Variants in PTPA observed in about 807,000 individuals in gnomAD.
PTPA encodes protein phosphatase 2 phosphatase activator.
Under a neutral mutation model 43.6 loss-of-function variants are expected in PTPA, and 13 were observed. The observed-to-expected ratio is 0.30, with a 90% CI of 0.19 to 0.47. The LOEUF (loss-of-function observed/expected upper bound fraction) is 0.47, where lower values mean the gene tolerates loss of function less well. Among genes scored for constraint, PTPA ranks in the 20% least tolerant of loss-of-function variants. The pLI is 0.99. For synonymous variants in PTPA, 172 were observed against 158.2 expected (o/e 1.09, Z -0.66); for missense variants, 329 against 411.9 (o/e 0.80, Z 1.74).
At chr9:129,112,823 C>A (rs1468203101) in intron 1 of PTPA, among the ~76,000 whole-genome samples, 1 of 152,124 alleles carries the variant, frequency 6.6e-6, no homozygotes, top group African/African-American at 2.4e-5. Flanking sequence ...CGCCCGTAAT[C>A]CCAACTACTA....
chr9:129,119,881 G>T (rs894108860), intron 1 of PTPA: 1 of 152,256 alleles, frequency 6.6e-6, no homozygotes, highest in Admixed American at 6.5e-5. Context: ...GGAGGCTGTG[G>T]GTTTGGCTTA....
At chr9:129,128,498 T>C (rs961999729) in intron 3 of PTPA, among the ~76,000 whole-genome samples, 30 of 146,928 alleles carry the variant, frequency 2.0e-4, no homozygotes, top group African/African-American at 7.1e-4. Flanking sequence ...ATTGCACCAC[T>C]GCACTCCAGC....
chr9:129,113,421 C>T (rs753021099), intron 1 of PTPA, among the ~76,000 whole-genome samples: 74 of 151,680 alleles, frequency 4.9e-4, no homozygotes, highest in Non-Finnish European at 9.1e-4. Flanking sequence ...AATTTGTGTC[C>T]GGCTACATTC....
At chr9:129,131,059 T>A (rs1309537696) in intron 4 of PTPA, among the ~76,000 whole-genome samples, 1 of 151,986 alleles carries the variant, frequency 6.6e-6, no homozygotes, top group Non-Finnish European at 1.5e-5. Context: ...TCACTGTTGA[T>A]GGACATTTCC....
At chr9:129,144,521 G>C (rs1055804200) in intron 9 of PTPA, among the ~76,000 whole-genome samples, 1 of 151,196 alleles carries the variant, frequency 6.6e-6, no homozygotes, top group Non-Finnish European at 1.5e-5. Flanking sequence ...GGCGGATCAC[G>C]AGGTCAGGAG....
chr9:129,142,852 T>C (rs1165619630), intron 9 of PTPA: 1 of 1,529,146 alleles, frequency 6.5e-7, no homozygotes, highest in African/African-American at 1.4e-5. Flanking sequence ...GGGGCCTCCC[T>C]TCTCCTTTAT....
rs141504783 is a variant in PTPA at position 129,123,630 on chromosome 9, T to G, written c.216+492T>G. 9.0e-3 allele frequency among the ~76,000 whole-genome samples: 1,369 copies of G among 152,270 alleles called. 9 individuals are homozygous for G. The highest frequency in any genetic ancestry group is 0.025 in the South Asian group (120 of 4,828). ...TAGATGGATATTTATAAAATTGAGA[T>G]CAAGGTAAATATGCTGTTTTGTAGT... On this transcript the variant is annotated intron_variant, in intron 3 of 9. Transcript: ENST00000393370.
chr9:129,111,353 G>A (rs958342072), upstream of PTPA: 111 of 1,195,214 alleles, frequency 9.3e-5, no homozygotes, highest in Non-Finnish European at 7.0e-5. Context: ...CATGGCCGTC[G>A]CCCGGTTCCG....
Position 129,144,429 on chromosome 9 carries a change from A to T in PTPA, c.894+1877A>T, listed in dbSNP as rs554582551. ...GGCTCCTGTATAGGGTGACGCTGGA[A>T]CTCCCTGACTTTAAGATCACCAAGT... On this transcript the variant is annotated intron_variant, in intron 9 of 9. Coordinates refer to ENST00000393370, the MANE Select transcript of PTPA (RefSeq NM_178000.3). Among the ~76,000 whole-genome samples the T allele has an allele frequency of 2.2e-4, 34 of 151,860 alleles. 1 individual carries two copies. In the South Asian group the frequency reaches 5.8e-3, roughly 26 times the overall value.
At chr9:129,142,194 T>G in intron 8 of PTPA, 2 of 399,270 alleles carry the variant, frequency 5.0e-6, no homozygotes, top group Non-Finnish European at 8.9e-6. Flanking sequence ...GGGCAAGGAA[T>G]GTTATATTTT....
intron 1 of PTPA, chr9:129,111,897 TG>T (rs1383720826): frequency 1.2e-6 from 1 of 825,970 alleles, no homozygotes. Context: ...GAATGCTGGG[TG>T]GGCAGCGCCG....
intron 9 of PTPA, chr9:129,143,214 G>T: frequency 1.5e-6 from 1 of 654,376 alleles, no homozygotes; most frequent in Admixed American, 2.2e-5. Flanking sequence ...CTTCCAAGTG[G>T]GGAGGAGACA....
rs1849184844 is a variant in PTPA, at chr9:129,120,520, A to C, written c.39A>C (p.Ser13=). The change falls in exon 2 of 10, where the codon TCA becomes TCC. Residue 13 remains serine, a synonymous_variant. Transcript: ENST00000393370. ...TCATTTTTTTTTGTCAAGATTCTTC[A>C]GAGGAGGCCCCTCCAGCCACTCAGA... ...EGERQPPPDS[S]EEAPPATQNF... The C allele has an allele frequency of 3.7e-6, 6 of 1,611,402 alleles. No individual in the cohort carries two copies. In the East Asian group the frequency reaches 1.1e-4, roughly 30 times the overall value.
chr9:129,121,696 C>T (rs952053505), intron 2 of PTPA, among the ~76,000 whole-genome samples: 3 of 152,248 alleles, frequency 2.0e-5, no homozygotes, highest in Non-Finnish European at 4.4e-5. Flanking sequence ...CCCCAGCTGT[C>T]ACAACTAACA....
chr9:129,122,648 G>T (rs768541334), intron 2 of PTPA, among the ~76,000 whole-genome samples: 6 of 152,202 alleles, frequency 3.9e-5, no homozygotes, highest in Non-Finnish European at 5.9e-5. Context: ...TTGAAGTTAG[G>T]CTACTGGGTC....
rs1365240226 is a variant in PTPA at position 129,129,127 on chromosome 9, A to C, written c.342+17A>C. On this transcript the variant is annotated intron_variant, in intron 4 of 9. Coordinates refer to ENST00000393370, the MANE Select transcript of PTPA (RefSeq NM_178000.3). ...CTTGATGAGGTGAGGCTGCCACAGGACAGGCCAGGGACTGGGCTGGCAGTG... is the reference window on the plus strand; with the variant it reads ...CTTGATGAGGTGAGGCTGCCACAGGCCAGGCCAGGGACTGGGCTGGCAGTG... 1 of 1,611,870 alleles carries C rather than the reference A, an allele frequency of 6.2e-7. No homozygotes were observed. Among genetic ancestry groups the C allele is most frequent in the Non-Finnish European group, 8.5e-7 (1 of 1,179,724 alleles).
intron 2 of PTPA, among the ~76,000 whole-genome samples, chr9:129,122,074 G>C (rs1178599524): frequency 2.0e-5 from 3 of 152,082 alleles, no homozygotes; most frequent in African/African-American, 7.2e-5. Flanking sequence ...CTTGTTCCCA[G>C]CAACTGCCTC....
intron 1 of PTPA, among the ~76,000 whole-genome samples, chr9:129,113,762 C>T (rs919546044): frequency 2.6e-5 from 4 of 151,918 alleles, no homozygotes; most frequent in South Asian, 2.1e-4. Flanking sequence ...CCAGCCTGGG[C>T]GAGAGAGCTA....
At chr9:129,142,646 T>C in intron 9 of PTPA, 94 bp downstream of exon 9, 1 of 1,564,136 alleles carries the variant, frequency 6.4e-7, no homozygotes, top group Non-Finnish European at 8.7e-7. Flanking sequence ...GGGCTCCTGC[T>C]TCCTCCTACC....
Sources: gnomAD v4.1 joint callset for allele counts (sites outside exome capture counted in the v4.1 genomes callset) on GRCh38, gnomAD v4.1.1 for gene constraint, MANE v1.5 for transcripts, NCBI Gene and HGNC (gene_info 2026-07-23, HGNC 2026-07-21) for gene names.